Variants in RAPGEF5 observed in about 807,000 individuals in gnomAD.
The protein encoded by RAPGEF5 is Rap guanine nucleotide exchange factor 5.
In RAPGEF5, 65 loss-of-function variants were observed where a neutral mutation model predicts 125.2. That is an observed-to-expected ratio of 0.52 (90% confidence interval 0.43 to 0.64). The LOEUF is 0.64. Among genes scored for constraint, RAPGEF5 ranks in the 30% least tolerant of loss-of-function variants. RAPGEF5 has a pLI of 0.00. For synonymous variants in RAPGEF5, 391 were observed against 385.9 expected (o/e 1.01, Z -0.16); for missense variants, 958 against 1,048.1 (o/e 0.91, Z 1.19).
chr7:22,237,095 TC>T (rs560910966), intron 7 of RAPGEF5, among the ~76,000 whole-genome samples: 50 of 152,316 alleles, frequency 3.3e-4, no homozygotes, highest in African/African-American at 1.1e-3. Flanking sequence ...TCCACCGGGC[TC>T]CCCAGCCCAA....
intron 7 of RAPGEF5, among the ~76,000 whole-genome samples, chr7:22,265,328 G>A (rs1009751661): frequency 9.2e-5 from 14 of 151,958 alleles, no homozygotes; most frequent in African/African-American, 2.2e-4. Flanking sequence ...AACTTTTCTC[G>A]CTGCCACATA....
At chr7:22,123,779 T>G (rs1453665529) in intron 25 of RAPGEF5, among the ~76,000 whole-genome samples, 1 of 152,212 alleles carries the variant, frequency 6.6e-6, no homozygotes, top group Non-Finnish European at 1.5e-5. Flanking sequence ...GTCGAGAAAG[T>G]TAAACATTGG....
intron 8 of RAPGEF5, among the ~76,000 whole-genome samples, chr7:22,224,031 C>T (rs1785854328): frequency 6.6e-6 from 1 of 152,160 alleles, no homozygotes; most frequent in South Asian, 2.1e-4. Flanking sequence ...ATTCCAATGA[C>T]ATTTTATTTA....
rs753726897 is a variant in RAPGEF5, at chr7:22,126,636, C to T, written c.2482-978G>A. Reference sequence around the variant, plus strand: ...ACATCATTTTTTTTGTTTTTTGAGACGGAGTCTTGCTCTGTCACCCAGGCT... The same window carrying T: ...ACATCATTTTTTTTGTTTTTTGAGATGGAGTCTTGCTCTGTCACCCAGGCT... On this transcript the variant is annotated intron_variant, in intron 24 of 25. Coordinates refer to ENST00000665637, the MANE Select transcript of RAPGEF5 (RefSeq NM_012294.5). Among the ~76,000 whole-genome samples the T allele has an allele frequency of 5.9e-5, 9 of 152,130 alleles. No individual in the cohort carries two copies. In the East Asian group the frequency reaches 1.5e-3, roughly 26 times the overall value.
chr7:22,269,864 T>C (rs185986107), intron 6 of RAPGEF5, among the ~76,000 whole-genome samples: 6 of 152,168 alleles, frequency 3.9e-5, no homozygotes, highest in Non-Finnish European at 5.9e-5. Context: ...AGGAACTACC[T>C]AGCTAAGGTG....
At chr7:22,183,267 A>T (rs13239571) in intron 11 of RAPGEF5, among the ~76,000 whole-genome samples, 2 of 130,078 alleles carry the variant, frequency 1.5e-5, no homozygotes, top group East Asian at 2.2e-4. Context: ...AGACTCCATC[A>T]CAAAAAAAAA....
chr7:22,135,894 C>T, intron 23 of RAPGEF5, 144 bp downstream of exon 23: 1 of 605,656 alleles, frequency 1.7e-6, no homozygotes, highest in Non-Finnish European at 2.8e-6. Context: ...ATTTGAAAAA[C>T]AATCACAAGG....
intron 6 of RAPGEF5, among the ~76,000 whole-genome samples, chr7:22,284,446 A>G (rs1782749695): frequency 6.6e-6 from 1 of 152,146 alleles, no homozygotes; most frequent in Non-Finnish European, 1.5e-5. Context: ...CTACAATTCC[A>G]CTGGTGCTTC....
intron 7 of RAPGEF5, among the ~76,000 whole-genome samples, chr7:22,262,731 AC>A (rs1376997493): frequency 2.3e-5 from 3 of 128,794 alleles, no homozygotes; most frequent in South Asian, 5.4e-4. Context: ...CATTCATGCC[AC>A]GGAACACTAT....
At chr7:22,275,718 G>A (rs1291181196) in intron 6 of RAPGEF5, among the ~76,000 whole-genome samples, 1 of 152,000 alleles carries the variant, frequency 6.6e-6, no homozygotes, top group Non-Finnish European at 1.5e-5. Flanking sequence ...GGAGACCATG[G>A]GGGTTGTTCA....
intron 8 of RAPGEF5, among the ~76,000 whole-genome samples, chr7:22,224,349 G>T (rs1452258658): frequency 6.6e-6 from 1 of 152,144 alleles, no homozygotes; most frequent in Non-Finnish European, 1.5e-5. Context: ...CAGGGAAACT[G>T]GGGCAATTTC....
At chr7:22,292,356 A>G (rs1457032893) in intron 5 of RAPGEF5, among the ~76,000 whole-genome samples, 1 of 152,216 alleles carries the variant, frequency 6.6e-6, no homozygotes, top group Non-Finnish European at 1.5e-5. Flanking sequence ...CACCCTTCAA[A>G]TCACAGCAAT....
chr7:22,167,905 A>G (rs1479650699), intron 11 of RAPGEF5, among the ~76,000 whole-genome samples: 3 of 152,202 alleles, frequency 2.0e-5, no homozygotes, highest in Non-Finnish European at 2.9e-5. Context: ...CTGACTTTCA[A>G]TGTAATTTCC....
At chr7:22,152,791 CT>C (rs1783670470) in intron 17 of RAPGEF5, among the ~76,000 whole-genome samples, 1 of 152,074 alleles carries the variant, frequency 6.6e-6, no homozygotes, top group East Asian at 1.9e-4. Flanking sequence ...AGATTGTTTT[CT>C]TTGTGAAAAC....
intron 12 of RAPGEF5, chr7:22,162,942 G>C (rs1456520831): frequency 8.7e-6 from 4 of 458,106 alleles, no homozygotes; most frequent in South Asian, 1.5e-5. Context: ...GCCAGATGCT[G>C]TCTAGTCCTC....
intron 20 of RAPGEF5, among the ~76,000 whole-genome samples, 155 bp downstream of exon 20, chr7:22,144,889 A>T (rs1475697220): frequency 6.6e-6 from 1 of 152,232 alleles, no homozygotes; most frequent in Non-Finnish European, 1.5e-5. Context: ...AAAGACATAA[A>T]TATTCAAAAT....
intron 11 of RAPGEF5, among the ~76,000 whole-genome samples, chr7:22,173,735 T>C (rs567729865): frequency 6.6e-6 from 1 of 152,280 alleles, no homozygotes; most frequent in African/African-American, 2.4e-5. Context: ...TGGAGGGGCA[T>C]AGAGTAATAA....
At chr7:22,255,885 G>C (rs921396130) in intron 7 of RAPGEF5, among the ~76,000 whole-genome samples, 1 of 152,172 alleles carries the variant, frequency 6.6e-6, no homozygotes, top group Admixed American at 6.5e-5. Flanking sequence ...CTAATCAAGA[G>C]TGGGAGTGTG....
At chr7:22,191,586 C>T (rs1562752685) in intron 11 of RAPGEF5, 1 of 471,148 alleles carries the variant, frequency 2.1e-6, no homozygotes, top group Non-Finnish European at 4.4e-6. Flanking sequence ...TCCTGGTCCG[C>T]TTGGCTTTGT....
Sources: allele counts gnomAD v4.1 joint callset (sites outside exome capture counted in the v4.1 genomes callset), GRCh38; gene constraint gnomAD v4.1.1; transcripts MANE v1.5; gene names NCBI Gene and HGNC (gene_info 2026-07-23, HGNC 2026-07-21).